The following KSR2 variants were observed in gnomAD, a reference collection of about 807,000 sequenced individuals.
KSR2 encodes the protein kinase suppressor of ras 2.
A neutral mutation model predicts 107.8 loss-of-function variants in KSR2; 25 were observed. The observed-to-expected ratio is 0.23, with a 90% CI of 0.17 to 0.32. The LOEUF (loss-of-function observed/expected upper bound fraction) is 0.32. Among genes scored for constraint, KSR2 ranks in the 10% least tolerant of loss-of-function variants. The pLI is 1.00. For missense variants in KSR2, 887 were observed against 1,268.9 expected, an observed-to-expected ratio of 0.70 and a Z score of 4.57; for synonymous variants, 480 against 507.0, an observed-to-expected ratio of 0.95 and a Z score of 0.71.
chr12:117,967,334 C>T (rs1896828825), intron 1 of KSR2, among the ~76,000 whole-genome samples: 1 of 152,146 alleles, frequency 6.6e-6, no homozygotes, highest in African/African-American at 2.4e-5. Flanking sequence ...TTCCTCTTTC[C>T]TCACAGTCCC....
At chr12:117,532,710 T>G (rs1397549370) in intron 10 of KSR2, among the ~76,000 whole-genome samples, 2 of 152,184 alleles carry the variant, frequency 1.3e-5, no homozygotes, top group Non-Finnish European at 2.9e-5. Flanking sequence ...GCCAGGGGTC[T>G]CGGACACTTA....
At chr12:117,810,369 G>A (rs1222124952) in intron 3 of KSR2, among the ~76,000 whole-genome samples, 1 of 152,112 alleles carries the variant, frequency 6.6e-6, no homozygotes, top group Non-Finnish European at 1.5e-5. Context: ...AGAGTGCAGT[G>A]GCACCAACAT....
At chr12:117,602,572 T>G (rs936203991) in intron 5 of KSR2, among the ~76,000 whole-genome samples, 1 of 152,228 alleles carries the variant, frequency 6.6e-6, no homozygotes, top group Admixed American at 6.5e-5. Context: ...TATCAGTACT[T>G]GATTCCTTTT....
At chr12:117,886,167 T>A (rs1214255443) in intron 1 of KSR2, among the ~76,000 whole-genome samples, 1 of 150,748 alleles carries the variant, frequency 6.6e-6, no homozygotes, top group East Asian at 1.9e-4. Flanking sequence ...TGTACATATG[T>A]GTATATATAA....
At chr12:117,892,713 G>A (rs2137362627) in intron 1 of KSR2, among the ~76,000 whole-genome samples, 1 of 144,078 alleles carries the variant, frequency 6.9e-6, no homozygotes, top group African/African-American at 2.6e-5. Context: ...CACAGAGACT[G>A]CATGACCCAA....
At chr12:117,676,254 G>A (rs1885114107) in intron 4 of KSR2, among the ~76,000 whole-genome samples, 1 of 152,146 alleles carries the variant, frequency 6.6e-6, no homozygotes, top group African/African-American at 2.4e-5. Context: ...CCCAAGCATG[G>A]CATTAATCAA....
At chr12:117,512,569 T>A (rs1034296490) in intron 14 of KSR2, among the ~76,000 whole-genome samples, 12 of 152,146 alleles carry the variant, frequency 7.9e-5, no homozygotes, top group African/African-American at 2.9e-4. Flanking sequence ...AAGCCCTCCA[T>A]AAGCTTCTGA....
intron 4 of KSR2, among the ~76,000 whole-genome samples, chr12:117,759,634 A>C (rs772445734): frequency 6.6e-6 from 1 of 151,556 alleles, no homozygotes; most frequent in Non-Finnish European, 1.5e-5. Flanking sequence ...ATAAATAACA[A>C]CTCCCCATTC....
At chr12:117,637,584 A>G (rs1050677003) in intron 5 of KSR2, among the ~76,000 whole-genome samples, 1 of 151,530 alleles carries the variant, frequency 6.6e-6, no homozygotes, top group African/African-American at 2.4e-5. Flanking sequence ...AAAAATTAAG[A>G]AGGGCACTTG....
intron 3 of KSR2, among the ~76,000 whole-genome samples, chr12:117,846,983 C>A (rs189557274): frequency 1.3e-5 from 2 of 152,234 alleles, no homozygotes; most frequent in Admixed American, 6.5e-5. Context: ...GAGCCATTTG[C>A]GCCTAAGCGC....
intron 3 of KSR2, among the ~76,000 whole-genome samples, chr12:117,770,603 G>A (rs993630930): frequency 2.0e-5 from 3 of 151,960 alleles, no homozygotes; most frequent in Non-Finnish European, 4.4e-5. Context: ...AAGCCTGCCT[G>A]TGGAGTGCAG....
At chr12:117,670,860 C>T (rs1884879274) in intron 4 of KSR2, among the ~76,000 whole-genome samples, 1 of 152,122 alleles carries the variant, frequency 6.6e-6, no homozygotes, top group Non-Finnish European at 1.5e-5. Flanking sequence ...CGTTTCTCTT[C>T]CTCCTCCACC....
intron 10 of KSR2, among the ~76,000 whole-genome samples, chr12:117,535,349 C>A (rs1875967036): frequency 1.3e-5 from 2 of 152,156 alleles, no homozygotes. Flanking sequence ...GACACATTGC[C>A]TAGTCTCATG....
chr12:117,799,522 G>A (rs1467661822), intron 3 of KSR2, among the ~76,000 whole-genome samples: 2 of 151,730 alleles, frequency 1.3e-5, no homozygotes, highest in African/African-American at 4.8e-5. Flanking sequence ...AAAAAAAAAG[G>A]TCAGAATGGC....
chr12:117,836,493 A>C (rs1010812488), intron 3 of KSR2, among the ~76,000 whole-genome samples: 6 of 152,138 alleles, frequency 3.9e-5, no homozygotes, highest in African/African-American at 1.4e-4. Flanking sequence ...ACAGAGGCAA[A>C]AGCACACATC....
intron 4 of KSR2, among the ~76,000 whole-genome samples, chr12:117,702,136 C>T (rs1380533555): frequency 1.3e-5 from 2 of 152,172 alleles, no homozygotes; most frequent in South Asian, 2.1e-4. Flanking sequence ...CCCTTGTCTG[C>T]TCCCCAGTAG....
At chr12:117,678,102 A>ATTTTTTT (rs35096843) in intron 4 of KSR2, among the ~76,000 whole-genome samples, 4 of 127,544 alleles carry the variant, frequency 3.1e-5, no homozygotes, top group Non-Finnish European at 1.7e-5. Context: ...AGCCCAGCTA[A>ATTTTTTT]TTTTTTTTTT....
At chr12:117,528,751 G>A (rs1875401123) in intron 12 of KSR2, among the ~76,000 whole-genome samples, 1 of 152,178 alleles carries the variant, frequency 6.6e-6, no homozygotes, top group African/African-American at 2.4e-5. Flanking sequence ...CCCTCCTCAT[G>A]CCCAAAACCA....
At chr12:117,563,850 G>A (rs1878283295) in intron 7 of KSR2, among the ~76,000 whole-genome samples, 1 of 152,060 alleles carries the variant, frequency 6.6e-6, no homozygotes, top group African/African-American at 2.4e-5. Flanking sequence ...CCAAGCACCT[G>A]CTCTTTGATG....
Sources: gnomAD v4.1 joint callset for allele counts (sites outside exome capture counted in the v4.1 genomes callset) on GRCh38, gnomAD v4.1.1 for gene constraint, MANE v1.5 for transcripts, NCBI Gene and HGNC (gene_info 2026-07-23, HGNC 2026-07-21) for gene names.